Variants in NFIX observed in about 807,000 individuals in gnomAD.
The protein encoded by NFIX is nuclear factor 1 X-type.
NFIX carries 2 observed loss-of-function variants against 53.3 expected under a neutral mutation model. The ratio of observed to expected loss-of-function variants is 0.04; its 90% CI spans 0.02 to 0.12. The LOEUF (loss-of-function observed/expected upper bound fraction) is 0.12, where lower values mean the gene tolerates loss of function less well. Ranked by LOEUF, NFIX falls within the 10% of genes least tolerant of loss-of-function variation. NFIX has a pLI of 1.00. For missense variants in NFIX, 310 were observed against 674.5 expected, an observed-to-expected ratio of 0.46 and a Z score of 5.99; for synonymous variants, 244 against 289.0, an observed-to-expected ratio of 0.84 and a Z score of 1.58.
intron 1 of NFIX, chr19:13,024,585 G>A (rs1279706361): frequency 3.3e-6 from 5 of 1,536,146 alleles, no homozygotes; most frequent in Middle Eastern, 3.4e-4. Context: ...CTGTGCAGAC[G>A]GACACTGTGC....
chr19:13,070,499 C>T (rs2016707498), intron 2 of NFIX: 1 of 152,748 alleles, frequency 6.5e-6, no homozygotes, highest in Non-Finnish European at 1.5e-5. Flanking sequence ...GGGGCCCTGG[C>T]TGCAGCTGCC....
chr19:13,000,104 G>A lies in NFIX; in HGVS notation c.27+4240G>A, dbSNP rs547796801. 5.3e-5 allele frequency among the ~76,000 whole-genome samples: 8 copies of A among 152,332 alleles called. No homozygotes were observed. In the South Asian group the frequency reaches 1.5e-3, roughly 28 times the overall value. On this transcript the variant is annotated intron_variant, in intron 1 of 10. Coordinates refer to ENST00000592199, the MANE Select transcript of NFIX (RefSeq NM_001365902.3). ...TCAAGAGCTCCCAGACGGAGGCTGC[G>A]GGAGCGGAGTCAAGGGCTAGGCTTT...
chr19:13,079,974 A>G lies in NFIX; in HGVS notation c.1078+1239A>G, dbSNP rs181413433. ...GCTGGGTGCACACCAGCTCGCACTCAGGAGATGTGTGTGCATATGTCAGAC... is the reference window on the plus strand; with the variant it reads ...GCTGGGTGCACACCAGCTCGCACTCGGGAGATGTGTGTGCATATGTCAGAC... On this transcript the variant is annotated intron_variant, in intron 7 of 10. Transcript: ENST00000592199. 3.5e-3 allele frequency among the ~76,000 whole-genome samples: 527 copies of G among 152,354 alleles called. 6 individuals carry two copies. Among genetic ancestry groups the G allele is most frequent in the African/African-American group, 0.012 (511 of 41,574 alleles).
chr19:13,001,595 A>G lies in NFIX; in HGVS notation c.27+5731A>G, dbSNP rs373520607. Among the ~76,000 whole-genome samples, 3 of 152,236 alleles carry G rather than the reference A, an allele frequency of 2.0e-5. No individual in the cohort carries two copies. Among genetic ancestry groups the G allele is most frequent in the East Asian group, 3.9e-4 (2 of 5,162 alleles). ...TTCTGGGTGTCTGTGCGTCACGGCAAAGAGTGTATCCGTGTGTCTCACACA... is the reference window on the plus strand; with the variant it reads ...TTCTGGGTGTCTGTGCGTCACGGCAGAGAGTGTATCCGTGTGTCTCACACA... On this transcript the variant is annotated intron_variant, in intron 1 of 10. Transcript: ENST00000592199. This position sits in a 1 kb window ranked among gnomAD's most constrained non-coding sequence, Gnocchi z 6.5.
intron 5 of NFIX, among the ~76,000 whole-genome samples, chr19:13,075,068 TAAAAAAAAA>T (rs57860606): frequency 0.017 from 1,238 of 73,728 alleles, 41 homozygotes; most frequent in African/African-American, 0.078. Context: ...AGACTCCATC[TAAAAAAAAA>T]AAAAAAAAAA....
rs2013481415 is a variant in NFIX, at chr19:13,027,734, C to T, written c.559+2182C>T. Among the ~76,000 whole-genome samples, 1 of 152,172 alleles carries T rather than the reference C, an allele frequency of 6.6e-6. No individual in the cohort carries two copies. The stretch of plus-strand genomic sequence containing the variant: ...CGTTTCCTGGCCAGAAGAAAGGCCC[C>T]ACCATGCCTCCCTGCCAGCTTAAGA... On this transcript the variant is annotated intron_variant, in intron 2 of 10. Coordinates refer to ENST00000592199, the MANE Select transcript of NFIX (RefSeq NM_001365902.3). The surrounding 1 kb of genome is among the most constrained non-coding windows in gnomAD (Gnocchi z 4.3).
chr19:13,007,499 C>G (rs746025539), intron 1 of NFIX, among the ~76,000 whole-genome samples: 38 of 152,248 alleles, frequency 2.5e-4, no homozygotes, highest in Non-Finnish European at 4.6e-4. Context: ...GGGTGGGCAT[C>G]TCTGCCCAAG....
chr19:13,077,713 T>C (rs2145453642), intron 6 of NFIX, among the ~76,000 whole-genome samples: 1 of 152,288 alleles, frequency 6.6e-6, no homozygotes, highest in African/African-American at 2.4e-5. Flanking sequence ...TACCTTATCC[T>C]TCCCAGCCTG....
At chr19:13,082,955 T>A (rs542672365) in intron 8 of NFIX, among the ~76,000 whole-genome samples, 1 of 152,302 alleles carries the variant, frequency 6.6e-6, no homozygotes, top group African/African-American at 2.4e-5. Context: ...TAAGTGCTGG[T>A]GTATTGATTT....
chr19:13,061,661 C>T (rs1350948659), intron 2 of NFIX, among the ~76,000 whole-genome samples: 1 of 152,206 alleles, frequency 6.6e-6, no homozygotes, highest in Non-Finnish European at 1.5e-5. Context: ...TCTTTTTGGT[C>T]CTTCAGGGAG....
rs534486206 is a variant in NFIX, at chr19:13,091,701, G to T, written c.1494+1311G>T. 5.9e-5 allele frequency among the ~76,000 whole-genome samples: 9 copies of T among 152,280 alleles called. No individual in the cohort carries two copies. In the South Asian group the frequency reaches 1.9e-3, roughly 32 times the overall value. ...AGCCCTGCTGGCAGAGGCGGGAGGG[G>T]GTGCGAGAGGAAGGGACAGCAGGCG... On this transcript the variant is annotated intron_variant, in intron 10 of 10. Coordinates refer to ENST00000592199, the MANE Select transcript of NFIX (RefSeq NM_001365902.3).
rs1363937142 is a variant in NFIX, at chr19:13,089,626, C to A, written c.1403-673C>A. On this transcript the variant is annotated intron_variant, in intron 9 of 10. Transcript: ENST00000592199. This position sits in a 1 kb window ranked among gnomAD's most constrained non-coding sequence, Gnocchi z 4.8. ...CTGGGCCCAAGCCAGGCAGCCAGCT[C>A]CTAGGCCCTTCTCTGACCCTGCCCT... Among the ~76,000 whole-genome samples, 1 of 152,244 alleles carries A rather than the reference C, an allele frequency of 6.6e-6. No homozygotes were observed. Among genetic ancestry groups the A allele is most frequent in the Non-Finnish European group, 1.5e-5 (1 of 68,028 alleles).
intron 2 of NFIX, among the ~76,000 whole-genome samples, chr19:13,047,145 A>G (rs1425691190): frequency 6.6e-6 from 1 of 152,114 alleles, no homozygotes; most frequent in East Asian, 1.9e-4. Context: ...TGGGATCAAT[A>G]TCAGTCTTCC....
At chr19:13,063,724 C>T (rs1195859979) in intron 2 of NFIX, among the ~76,000 whole-genome samples, 10 of 152,146 alleles carry the variant, frequency 6.6e-5, no homozygotes, top group Non-Finnish European at 1.3e-4. Context: ...CCTGCCTTCT[C>T]GCATCCCTCC....
chr19:13,003,972 G>T (rs1404631473), intron 1 of NFIX, among the ~76,000 whole-genome samples: 1 of 152,060 alleles, frequency 6.6e-6, no homozygotes, highest in African/African-American at 2.4e-5. Flanking sequence ...ATGAAGTCTG[G>T]CTTTGTTGCC....
At chr19:13,032,211 C>T (rs2013869350) in intron 2 of NFIX, among the ~76,000 whole-genome samples, 1 of 152,126 alleles carries the variant, frequency 6.6e-6, no homozygotes, top group Admixed American at 6.5e-5. Context: ...GAGTTGGCTC[C>T]CTGGAACTCC....
At chr19:13,041,197 A>G (rs2014595592) in intron 2 of NFIX, among the ~76,000 whole-genome samples, 1 of 152,222 alleles carries the variant, frequency 6.6e-6, no homozygotes, top group Admixed American at 6.5e-5. Flanking sequence ...AACTCTGGAC[A>G]CACAGGGGCT....
rs2015221591 is a variant in NFIX at position 13,049,867 on chromosome 19, C to T, written c.560-23180C>T. Among the ~76,000 whole-genome samples the T allele has an allele frequency of 6.6e-6, 1 of 152,228 alleles. No homozygotes were observed. Among genetic ancestry groups the T allele is most frequent in the Non-Finnish European group, 1.5e-5 (1 of 68,040 alleles). On this transcript the variant is annotated intron_variant, in intron 2 of 10. Transcript: ENST00000592199. This position sits in a 1 kb window ranked among gnomAD's most constrained non-coding sequence, Gnocchi z 4.5. Reference sequence around the variant, plus strand: ...TCGGCCTCCCAAAGTGTTGGGATTACAGGCGAGAGCCACTGCACCCGGCCA... The same window carrying T: ...TCGGCCTCCCAAAGTGTTGGGATTATAGGCGAGAGCCACTGCACCCGGCCA...
At position 13,013,204 on chromosome 19, in the gene NFIX, T is replaced by C. The variant is rs2012468461; in HGVS notation, c.28-11817T>C. On this transcript the variant is annotated intron_variant, in intron 1 of 10. Transcript: ENST00000592199. This position sits in a 1 kb window ranked among gnomAD's most constrained non-coding sequence, Gnocchi z 5.9. The stretch of plus-strand genomic sequence containing the variant: ...TTGCTACCAGCCCTTTTGCAGCACT[T>C]CCTGGGCAGGCCAGGGGAGAGGACG... Among the ~76,000 whole-genome samples the C allele has an allele frequency of 6.6e-6, 1 of 152,064 alleles. No homozygotes were observed. The highest frequency in any genetic ancestry group is 1.5e-5 in the Non-Finnish European group (1 of 68,010).
Sources: gnomAD v4.1 joint callset for allele counts (sites outside exome capture counted in the v4.1 genomes callset) on GRCh38, gnomAD v4.1.1 for gene constraint, Gnocchi (gnomAD v3.1) non-coding constraint, MANE v1.5 for transcripts, NCBI Gene and HGNC (gene_info 2026-07-23, HGNC 2026-07-21) for gene names.